Variants in SLC35D4 observed in about 807,000 individuals in gnomAD.
The protein encoded by SLC35D4 is UDP-N-acetylglucosamine transporter SLC35D4.
At chr18:23,335,854 G>A in the SLC35D4 span, among the ~76,000 whole-genome samples, 1 of 152,050 alleles carries the variant, frequency 6.6e-6, no homozygotes, top group African/African-American at 2.4e-5. Context: ...AAAATTATCT[G>A]GGACACTAAC....
chr18:23,311,318 C>CT, the SLC35D4 span, among the ~76,000 whole-genome samples: 3,742 of 152,078 alleles, frequency 0.025, 51 homozygotes, highest in Middle Eastern at 0.054. Context: ...TCTTGAACTC[C>CT]TGGGCTCAAG....
At chr18:23,397,146 C>T in the SLC35D4 span, among the ~76,000 whole-genome samples, 4 of 152,148 alleles carry the variant, frequency 2.6e-5, no homozygotes, top group African/African-American at 9.7e-5. Flanking sequence ...CCATTACAGC[C>T]TGCTCTCCAT....
At chr18:23,339,731 T>A in the SLC35D4 span, among the ~76,000 whole-genome samples, 4 of 152,164 alleles carry the variant, frequency 2.6e-5, no homozygotes, top group Admixed American at 2.6e-4. Flanking sequence ...AGATTCCGTG[T>A]CTGGTGAAGG....
At chr18:23,372,182 C>T in the SLC35D4 span, among the ~76,000 whole-genome samples, 3 of 151,466 alleles carry the variant, frequency 2.0e-5, no homozygotes, top group Admixed American at 6.6e-5. Context: ...GTGATCCGCC[C>T]GCCTCGGCCT....
chr18:23,397,451 G>C, the SLC35D4 span, among the ~76,000 whole-genome samples: 1 of 152,330 alleles, frequency 6.6e-6, no homozygotes, highest in Admixed American at 6.5e-5. Context: ...TGTTGCTATA[G>C]GGGTGGGCTG....
At chr18:23,437,921 C>CGCA in the SLC35D4 span, 122 of 1,526,318 alleles carry the variant, frequency 8.0e-5, 1 homozygote, top group Admixed American at 2.3e-4. Flanking sequence ...GCCCGACCCC[C>CGCA]GCAGCAGCAG....
At chr18:23,297,216 C>T in the SLC35D4 span, 1 of 152,114 alleles carries the variant, frequency 6.6e-6, no homozygotes, top group African/African-American at 2.4e-5. Flanking sequence ...TTACGTCTGT[C>T]AATTTAAAAA....
chr18:23,310,792 C>A, the SLC35D4 span, among the ~76,000 whole-genome samples: 17 of 152,222 alleles, frequency 1.1e-4, 1 homozygote, highest in South Asian at 1.7e-3. Context: ...ACTACAAATA[C>A]AGAATTCTCA....
chr18:23,378,025 C>T, the SLC35D4 span, among the ~76,000 whole-genome samples: 1 of 151,618 alleles, frequency 6.6e-6, no homozygotes, highest in Non-Finnish European at 1.5e-5. Flanking sequence ...AGCTCTTGTT[C>T]TATCTATCCA....
At chr18:23,303,565 T>C in the SLC35D4 span, among the ~76,000 whole-genome samples, 1 of 152,228 alleles carries the variant, frequency 6.6e-6, no homozygotes, top group African/African-American at 2.4e-5. Context: ...CTGTACAAAA[T>C]GTGGTCAATG....
the SLC35D4 span, among the ~76,000 whole-genome samples, chr18:23,394,742 C>T: frequency 2.0e-5 from 3 of 152,082 alleles, no homozygotes; most frequent in South Asian, 4.1e-4. Context: ...GAGGCTGAGG[C>T]GGGTGGATCA....
the SLC35D4 span, among the ~76,000 whole-genome samples, chr18:23,359,261 T>C: frequency 6.6e-6 from 1 of 151,862 alleles, no homozygotes; most frequent in Non-Finnish European, 1.5e-5. Context: ...GGCGGGTGCC[T>C]GTAATCCCAG....
At chr18:23,243,468 G>GTTTTTTTTT in the SLC35D4 span, among the ~76,000 whole-genome samples, 1 of 101,876 alleles carries the variant, frequency 9.8e-6, no homozygotes, top group African/African-American at 3.6e-5. Flanking sequence ...TGGGTTTGGT[G>GTTTTTTTTT]TTTTTTTTTT....
the SLC35D4 span, among the ~76,000 whole-genome samples, chr18:23,396,352 C>T: frequency 6.6e-6 from 1 of 152,170 alleles, no homozygotes; most frequent in Non-Finnish European, 1.5e-5. Flanking sequence ...GACAGCTTGG[C>T]ACCAGCATAT....
At chr18:23,335,935 T>C in the SLC35D4 span, among the ~76,000 whole-genome samples, 1 of 152,088 alleles carries the variant, frequency 6.6e-6, no homozygotes, top group Non-Finnish European at 1.5e-5. Flanking sequence ...AATGAACAAA[T>C]GATAAATGAG....
the SLC35D4 span, among the ~76,000 whole-genome samples, chr18:23,362,607 A>T: frequency 6.6e-6 from 1 of 152,154 alleles, no homozygotes; most frequent in African/African-American, 2.4e-5. Flanking sequence ...TCAAACAAAC[A>T]AACAAACAAA....
the SLC35D4 span, among the ~76,000 whole-genome samples, chr18:23,380,353 C>T: frequency 6.6e-6 from 1 of 152,170 alleles, no homozygotes; most frequent in East Asian, 1.9e-4. Flanking sequence ...GTCACCCCTG[C>T]TGGCACCCTT....
chr18:23,338,203 C>T, the SLC35D4 span, among the ~76,000 whole-genome samples: 1 of 152,184 alleles, frequency 6.6e-6, no homozygotes, highest in Non-Finnish European at 1.5e-5. Context: ...GTGAATGATG[C>T]ATCAATTGCT....
chr18:23,409,247 ACT>A, the SLC35D4 span, among the ~76,000 whole-genome samples: 1 of 152,228 alleles, frequency 6.6e-6, no homozygotes, highest in Non-Finnish European at 1.5e-5. Flanking sequence ...ACAGAAAACC[ACT>A]GTTAATACCT....
Sources: allele counts gnomAD v4.1 joint callset (sites outside exome capture counted in the v4.1 genomes callset), GRCh38; gene constraint gnomAD v4.1.1; transcripts MANE v1.5; gene names NCBI Gene and HGNC (gene_info 2026-07-23, HGNC 2026-07-21).